PLK2: variants seen among roughly 807,000 people sequenced by gnomAD.
PLK2 encodes the protein polo like kinase 2.
A neutral mutation model predicts 78.1 loss-of-function variants in PLK2; 25 were observed. The ratio of observed to expected loss-of-function variants is 0.32; its 90% confidence interval spans 0.23 to 0.45. The LOEUF is 0.45. Ranked by LOEUF, PLK2 falls within the 20% of genes least tolerant of loss-of-function variation. The pLI, the probability that PLK2 is intolerant of heterozygous loss-of-function variation, is 1.00. For synonymous variants in PLK2, 332 were observed against 298.2 expected, an observed-to-expected ratio of 1.11 and a Z score of -1.17; for missense variants, 566 against 840.2, an observed-to-expected ratio of 0.67 and a Z score of 4.04.
Position 58,454,417 on chromosome 5 carries a change from T to C in PLK2, c.*166A>G. The C allele has an allele frequency of 1.8e-6, 1 of 549,708 alleles. No individual in the cohort carries two copies. Among genetic ancestry groups the C allele is most frequent in the South Asian group, 3.1e-5 (1 of 32,216 alleles). 34.1% of individuals were successfully genotyped at this position (549,708 alleles called of 1,614,324 possible). On this transcript the variant is annotated 3_prime_UTR_variant, in exon 14 of 14. Transcript: ENST00000274289. ...GGATTGTCCAAAGTCAAGAACTGTA[T>C]GCCTTAGCCTGTTCTGGTTCCAACC...
chr5:58,457,009 A>C lies in PLK2; in HGVS notation c.1092T>G (p.Phe364Leu), dbSNP rs1743623052. 1 of 1,613,160 alleles carries C rather than the reference A, an allele frequency of 6.2e-7. No homozygotes were observed. ...CAAAAAGAGCAGCAGCTGCTTTCTT[A>C]AAGAAATTCTTAGCTGGGCTTGATA... ...FHLSSPAKNF[F>L]KKAAAALFGG... Residue 364 changes from phenylalanine (F) to leucine (L), a missense_variant, in exon 8 of 14, where the codon TTT becomes TTG. Phe to Leu is a conservative substitution (Grantham distance 22, BLOSUM62 0). This residue lies in a region of PLK2 where 179 missense variants were observed against 342.3 expected (regional missense o/e 0.52). Transcript: ENST00000274289.
Position 58,456,160 on chromosome 5 carries a change from G to A in PLK2, c.1255-5C>T. The A allele has an allele frequency of 1.9e-6, 3 of 1,607,606 alleles. No homozygotes were observed. The highest frequency in any genetic ancestry group is 2.5e-6 in the Non-Finnish European group (3 of 1,178,208). ...GGTGGTAGGTGGCTGGAGCTCCTTA[G>A]AAGAGAGAAGATTTATGCAATGAGT... On this transcript the variant is annotated splice_region_variant and splice_polypyrimidine_tract_variant and intron_variant, in intron 9 of 13. Coordinates refer to ENST00000274289, the MANE Select transcript of PLK2 (RefSeq NM_006622.4).
chr5:58,458,350 G>GA, intron 4 of PLK2, 49 bp downstream of exon 4: 1 of 1,594,818 alleles, frequency 6.3e-7, no homozygotes, highest in Non-Finnish European at 8.6e-7. Flanking sequence ...AACAGAGAGA[G>GA]AAAAAAGAAC....
chr5:58,458,376 A>G (rs999017544), intron 4 of PLK2, 23 bp downstream of exon 4: 1 of 1,612,156 alleles, frequency 6.2e-7, no homozygotes, highest in Non-Finnish European at 8.5e-7. Flanking sequence ...CACAAAACTC[A>G]GCTTTTGGCG....
chr5:58,460,050 G>A lies in PLK2; in HGVS notation c.-91C>T, dbSNP rs955049992. 7.0e-7 allele frequency: 1 copy of A among 1,431,956 alleles called. No homozygotes were observed. The highest frequency in any genetic ancestry group is 9.4e-7 in the Non-Finnish European group (1 of 1,065,834). The allele number at this position is 1,431,956 out of a possible 1,614,324, so 88.7% of individuals were successfully genotyped here. ...CGTGGTCCTCGCACCCTTGCCTCTG[G>A]TGCCGACTAGCACCCAACACCCCGG... On this transcript the variant is annotated 5_prime_UTR_variant, in exon 1 of 14. Transcript: ENST00000274289.
intron 9 of PLK2, 27 bp from the exon 10 acceptor site, chr5:58,456,182 G>C: frequency 6.3e-7 from 1 of 1,599,052 alleles, no homozygotes; most frequent in Non-Finnish European, 8.5e-7. Flanking sequence ...TTTATGCAAT[G>C]AGTCAAGCAT....
In PLK2 at chr5:58,459,771, C is replaced by T. The variant is rs755854701; in HGVS notation, c.189G>A (p.Ser63=). ...TCCGCGAGATCTCCGGCCCCGAGTG[C>T]GAATGGTGGTGATGGTGGTGAGGGG... is the stretch of plus-strand genomic sequence containing the variant. The part of the protein sequence containing the change: ...PAAPHHHHHH[S]HSGPEISRII... The change falls in exon 1 of 14, where the codon TCG becomes TCA. Residue 63 remains serine, a synonymous_variant. Transcript: ENST00000274289. The T allele has an allele frequency of 6.2e-7, 1 of 1,607,688 alleles. No individual in the cohort carries two copies. The highest frequency in any genetic ancestry group is 1.7e-5 in the Admixed American group (1 of 59,992).
At chr5:58,459,378 T>C (rs1561217436) in intron 1 of PLK2, 1 of 564,134 alleles carries the variant, frequency 1.8e-6, no homozygotes, top group South Asian at 2.4e-5. Flanking sequence ...CTGATGAGAC[T>C]TGTCAGGAAA....
At chr5:58,456,395 C>A (rs570114194) in intron 9 of PLK2, 97 bp downstream of exon 9, 4 of 858,664 alleles carry the variant, frequency 4.7e-6, no homozygotes, top group East Asian at 2.4e-5. Context: ...GTAAATATGA[C>A]ATATTTGAAC....
chr5:58,458,674 C>G, intron 3 of PLK2, 51 bp downstream of exon 3: 1 of 1,249,354 alleles, frequency 8.0e-7, no homozygotes, highest in Middle Eastern at 2.4e-4. Flanking sequence ...TCTTTGAATA[C>G]CATGTTAATT....
Position 58,454,007 on chromosome 5 carries a change from G to C in PLK2, c.*576C>G, listed in dbSNP as rs1743531837. ...TTTCTGCGTTTTCATACTCTTTATT[G>C]CCAACGGTTTAAAATGGTCAACATA... On this transcript the variant is annotated 3_prime_UTR_variant, in exon 14 of 14. Transcript: ENST00000274289. 2.0e-5 allele frequency: 3 copies of C among 152,398 alleles called. No homozygotes were observed. The South Asian group carries it at 6.2e-4, about 32-fold the overall frequency. 9.4% of individuals were successfully genotyped at this position (152,398 alleles called of 1,614,324 possible). A position where few individuals can be genotyped will look rare whatever the true frequency, so the allele number is the denominator to read the frequency against.
At chr5:58,459,623 G>A in intron 1 of PLK2, 67 bp downstream of exon 1, 2 of 1,380,380 alleles carry the variant, frequency 1.4e-6, no homozygotes, top group Non-Finnish European at 9.6e-7. Context: ...CCGCGGGCTT[G>A]CCCGGCTTGG....
chr5:58,456,778 C>T, intron 8 of PLK2, 167 bp downstream of exon 8: 1 of 624,492 alleles, frequency 1.6e-6, no homozygotes, highest in Non-Finnish European at 2.7e-6. Flanking sequence ...AAATAAAAAG[C>T]TATCAATCAC....
At chr5:58,457,835 C>G in intron 5 of PLK2, 1 of 589,206 alleles carries the variant, frequency 1.7e-6, no homozygotes, top group Non-Finnish European at 3.0e-6. Context: ...CCAACTAAAG[C>G]CAGGGACGTC....
chr5:58,455,335 C>G lies in PLK2; in HGVS notation c.1705G>C (p.Val569Leu). The G allele has an allele frequency of 1.2e-6, 2 of 1,614,054 alleles. No homozygotes were observed. The highest frequency in any genetic ancestry group is 1.7e-6 in the Non-Finnish European group (2 of 1,179,962). The change falls in exon 12 of 14, where the codon GTG becomes CTG. Residue 569 changes from valine to leucine, a missense_variant. Val to Leu is a conservative substitution (Grantham distance 32). This residue lies in a region of PLK2 where 130 missense variants were observed against 196.4 expected (regional missense o/e 0.66). Transcript: ENST00000274289. ...TGAGAAAAGTATTTCAGCACCGTCA[C>G]TTGACTAATAAATTGCTCAGGAGCA... is the stretch of plus-strand genomic sequence containing the variant. ...TDAPEQFISQ[V>L]TVLKYFSHYM...
In PLK2 at chr5:58,458,722, T is replaced by C. The variant is rs758312092; in HGVS notation, c.495+3A>G. The C allele has an allele frequency of 4.8e-6, 7 of 1,443,880 alleles. No individual in the cohort carries two copies. In the South Asian group the frequency reaches 5.7e-5, roughly 12 times the overall value. The allele number at this position is 1,443,880 out of a possible 1,614,324, so 89.4% of individuals were successfully genotyped here. A position where few individuals can be genotyped will look rare whatever the true frequency, so the allele number is the denominator to read the frequency against. ...ATGTTCTCAAATAGGAGTTGACACTTACCCTTCTACTGCAGTATTCCAAGA... is the reference window on the plus strand; with the variant it reads ...ATGTTCTCAAATAGGAGTTGACACTCACCCTTCTACTGCAGTATTCCAAGA... On this transcript the variant is annotated splice_donor_region_variant and intron_variant, in intron 3 of 13. Coordinates refer to ENST00000274289, the MANE Select transcript of PLK2 (RefSeq NM_006622.4).
In PLK2 at chr5:58,454,803, T is replaced by A. The variant is rs1743553579; in HGVS notation, c.1867-29A>T. ...AAAAAATAAACATAGACATTAGATC[T>A]CTCAAAATATTCGAGAATTAGAAAA... is the stretch of plus-strand genomic sequence containing the variant. On this transcript the variant is annotated intron_variant, in intron 13 of 13. Transcript: ENST00000274289. 3 of 1,542,572 alleles carry A rather than the reference T, an allele frequency of 1.9e-6. No homozygotes were observed. In the African/African-American group the frequency reaches 4.1e-5, roughly 21 times the overall value.
chr5:58,459,547 G>A (rs1743699242), intron 1 of PLK2, 143 bp downstream of exon 1: 1 of 687,786 alleles, frequency 1.5e-6, no homozygotes, highest in Admixed American at 3.0e-5. Context: ...CCAGAGGGCA[G>A]GTGAGGAGCC....
At chr5:58,457,958 C>A (rs1036051554) in intron 5 of PLK2, 126 bp downstream of exon 5, 3 of 733,020 alleles carry the variant, frequency 4.1e-6, no homozygotes, top group South Asian at 1.6e-5. Flanking sequence ...ATAAGTATTT[C>A]TTTAAATTAA....
Sources: allele counts gnomAD v4.1 joint callset, GRCh38; gene constraint gnomAD v4.1.1; regional missense constraint gnomAD v4.1.1; transcripts MANE v1.5; gene names NCBI Gene and HGNC (gene_info 2026-07-23, HGNC 2026-07-21).